Variants in SPAG16 observed in about 807,000 individuals in gnomAD.
The protein encoded by SPAG16 is sperm-associated antigen 16 protein.
A neutral mutation model predicts 80.4 loss-of-function variants in SPAG16; 86 were observed. The ratio of observed to expected loss-of-function variants is 1.07; its 90% CI spans 0.90 to 1.28. The LOEUF (loss-of-function observed/expected upper bound fraction) is 1.28. SPAG16 is among the 50% of genes most tolerant of loss of function. SPAG16 has a pLI of 0.00. For synonymous variants in SPAG16, 294 were observed against 265.9 expected, an observed-to-expected ratio of 1.11 and a Z score of -1.03; for missense variants, 870 against 765.3, an observed-to-expected ratio of 1.14 and a Z score of -1.61.
intron 5 of SPAG16, among the ~76,000 whole-genome samples, chr2:213,326,727 C>T (rs1006599824): frequency 3.3e-5 from 5 of 151,944 alleles, no homozygotes; most frequent in Non-Finnish European, 1.5e-5. Flanking sequence ...TAGCCTACTT[C>T]GATGCAGGTA....
chr2:214,127,801 C>T (rs969826524), intron 14 of SPAG16, among the ~76,000 whole-genome samples: 6 of 151,808 alleles, frequency 4.0e-5, no homozygotes, highest in Admixed American at 6.7e-5. Context: ...CTGGGTGATA[C>T]TTAATGAATG....
chr2:213,452,683 TG>T (rs2071771835), intron 9 of SPAG16, among the ~76,000 whole-genome samples: 1 of 152,248 alleles, frequency 6.6e-6, no homozygotes, highest in South Asian at 2.1e-4. Context: ...GAACAGGGAC[TG>T]GGATGTTCTG....
rs1053109205 is a variant in SPAG16, at chr2:213,812,051, TG to T, written c.1071-50432del. Among the ~76,000 whole-genome samples the T allele has an allele frequency of 3.9e-4, 59 of 151,640 alleles. 1 individual carries two copies. The highest frequency in any genetic ancestry group is 1.4e-3 in the African/African-American group (58 of 41,318). ...AGTTAGAAGCATGGTAAAGAGGAGG[TG>T]GAGAACAGAGATGGTGAGATTCAGG... On this transcript the variant is annotated intron_variant, in intron 10 of 15. Coordinates refer to ENST00000331683, the MANE Select transcript of SPAG16 (RefSeq NM_024532.5).
At position 214,321,634 on chromosome 2, in the gene SPAG16, C is replaced by G. The variant is rs191520947; in HGVS notation, c.1721-88506C>G. ...TTGTAACATTTAATTATTTTAGACC[C>G]GAGATTTTTATTTTAGTGTACAGAA... On this transcript the variant is annotated intron_variant, in intron 15 of 15. Transcript: ENST00000331683. Among the ~76,000 whole-genome samples, 3 of 152,156 alleles carry G rather than the reference C, an allele frequency of 2.0e-5. No homozygotes were observed. The East Asian group carries it at 5.8e-4, about 29-fold the overall frequency.
chr2:213,899,643 A>T (rs1001116861), intron 11 of SPAG16, among the ~76,000 whole-genome samples: 15 of 152,180 alleles, frequency 9.9e-5, no homozygotes, highest in African/African-American at 3.4e-4. Flanking sequence ...ATGACCATTG[A>T]TGGAAAACAA....
chr2:213,415,126 A>G (rs2069179346), intron 9 of SPAG16, among the ~76,000 whole-genome samples: 1 of 152,248 alleles, frequency 6.6e-6, no homozygotes, highest in Non-Finnish European at 1.5e-5. Flanking sequence ...ACACAGAGCC[A>G]AACCATATCA....
intron 9 of SPAG16, among the ~76,000 whole-genome samples, chr2:213,486,413 A>G (rs2073975364): frequency 6.6e-6 from 1 of 152,148 alleles, no homozygotes; most frequent in Admixed American, 6.5e-5. Context: ...TAATAGCTGA[A>G]ATATGGAATC....
chr2:213,555,826 G>T (rs2059406762), intron 10 of SPAG16, among the ~76,000 whole-genome samples: 1 of 152,098 alleles, frequency 6.6e-6, no homozygotes, highest in Non-Finnish European at 1.5e-5. Flanking sequence ...TAATAATACT[G>T]TGTGAATCAC....
chr2:214,369,780 G>A (rs1699697685), intron 15 of SPAG16, among the ~76,000 whole-genome samples: 1 of 151,882 alleles, frequency 6.6e-6, no homozygotes, highest in Non-Finnish European at 1.5e-5. Flanking sequence ...TTCTTTTCAA[G>A]GTCAAACTGT....
rs184806839 is a variant in SPAG16 at position 214,359,619 on chromosome 2, T to A, written c.1721-50521T>A. On this transcript the variant is annotated intron_variant, in intron 15 of 15. Transcript: ENST00000331683. ...TCAAATTGGTCACTGCAGGGTTCTATTTACATCTTTAATAGAGTAAATATC... is the reference window on the plus strand; with the variant it reads ...TCAAATTGGTCACTGCAGGGTTCTAATTACATCTTTAATAGAGTAAATATC... 1.5e-3 allele frequency among the ~76,000 whole-genome samples: 222 copies of A among 151,984 alleles called. 1 individual carries two copies. Among genetic ancestry groups the A allele is most frequent in the African/African-American group, 4.5e-3 (188 of 41,514 alleles).
At chr2:213,762,955 C>T (rs1332984779) in intron 10 of SPAG16, among the ~76,000 whole-genome samples, 1 of 152,108 alleles carries the variant, frequency 6.6e-6, no homozygotes, top group South Asian at 2.1e-4. Context: ...ACCAAATAAC[C>T]TTATTTAAAA....
intron 15 of SPAG16, among the ~76,000 whole-genome samples, chr2:214,223,163 A>ACTT (rs1336295712): frequency 2.0e-5 from 3 of 152,004 alleles, no homozygotes; most frequent in African/African-American, 7.2e-5. Flanking sequence ...TCCTGGGGAG[A>ACTT]CTTTATCTCA....
intron 15 of SPAG16, among the ~76,000 whole-genome samples, chr2:214,270,186 A>G (rs1188795493): frequency 6.6e-6 from 1 of 152,200 alleles, no homozygotes; most frequent in Non-Finnish European, 1.5e-5. Context: ...ACTTGTCTAC[A>G]TAAATATTGT....
chr2:214,158,711 G>A (rs1324006697), intron 15 of SPAG16, among the ~76,000 whole-genome samples: 2 of 151,804 alleles, frequency 1.3e-5, no homozygotes, highest in Admixed American at 6.6e-5. Context: ...TTTGTTTAGC[G>A]CTCTGATACA....
intron 13 of SPAG16, among the ~76,000 whole-genome samples, chr2:214,074,508 G>C (rs1026537860): frequency 4.6e-5 from 7 of 152,204 alleles, no homozygotes; most frequent in African/African-American, 1.4e-4. Flanking sequence ...GGGTATGTGA[G>C]GATTTATTAA....
chr2:213,591,947 T>C (rs1361356742), intron 10 of SPAG16, among the ~76,000 whole-genome samples: 1 of 152,124 alleles, frequency 6.6e-6, no homozygotes, highest in Non-Finnish European at 1.5e-5. Flanking sequence ...GAAATAAACA[T>C]GGAAGCTCAA....
intron 4 of SPAG16, among the ~76,000 whole-genome samples, chr2:213,314,775 A>C (rs1488618388): frequency 6.6e-6 from 1 of 151,804 alleles, no homozygotes; most frequent in African/African-American, 2.4e-5. Context: ...AAGGTGCTGA[A>C]AACCAATTTT....
intron 11 of SPAG16, among the ~76,000 whole-genome samples, chr2:213,870,341 G>C (rs149366224): frequency 0.013 from 1,596 of 120,044 alleles, 14 homozygotes; most frequent in Non-Finnish European, 0.021. Context: ...TATAAGACTG[G>C]ACGGCTTGTC....
At chr2:214,385,359 G>A (rs997458943) in intron 15 of SPAG16, among the ~76,000 whole-genome samples, 1 of 152,132 alleles carries the variant, frequency 6.6e-6, no homozygotes, top group South Asian at 2.1e-4. Flanking sequence ...TCAACATTAT[G>A]TAAATCTTAT....
Sources: gnomAD v4.1 joint callset for allele counts (sites outside exome capture counted in the v4.1 genomes callset) on GRCh38, gnomAD v4.1.1 for gene constraint, MANE v1.5 for transcripts, NCBI Gene and HGNC (gene_info 2026-07-23, HGNC 2026-07-21) for gene names.